The following FOXO3 variants were observed in gnomAD, a reference collection of about 807,000 sequenced individuals.
FOXO3 encodes the protein forkhead box O3, also known as forkhead box protein O3.
A neutral mutation model predicts 41.9 loss-of-function variants in FOXO3; 4 were observed. The observed-to-expected ratio is 0.10, with a 90% confidence interval of 0.05 to 0.22. The LOEUF (loss-of-function observed/expected upper bound fraction) is 0.22, where lower values mean the gene tolerates loss of function less well. Among genes scored for constraint, FOXO3 ranks in the 10% least tolerant of loss-of-function variants. The pLI is 1.00. For synonymous variants in FOXO3, 318 were observed against 389.3 expected, an observed-to-expected ratio of 0.82 and a Z score of 2.16; for missense variants, 534 against 906.8, an observed-to-expected ratio of 0.59 and a Z score of 5.28.
intron 1 of FOXO3, among the ~76,000 whole-genome samples, chr6:108,659,992 G>A (rs1429494946): frequency 6.6e-6 from 1 of 152,130 alleles, no homozygotes; most frequent in Non-Finnish European, 1.5e-5. Flanking sequence ...TTTTAAGGGG[G>A]TATAGCTGAA....
intron 1 of FOXO3, among the ~76,000 whole-genome samples, 200 bp from the exon 2 acceptor site, chr6:108,663,255 C>T (rs974262296): frequency 6.6e-6 from 1 of 152,124 alleles, no homozygotes; most frequent in African/African-American, 2.4e-5. Flanking sequence ...GCCTGTAGTC[C>T]CAGTTACAGG....
rs541668302 is a variant in FOXO3, at chr6:108,663,721, G to A, written c.888G>A (p.Thr296=). Residue 296 remains threonine, a synonymous_variant, in exon 2 of 3, where the codon ACG becomes ACA. Transcript: ENST00000406360. The part of the protein sequence containing the change: ...SQLSKWPGSP[T]SRSSDELDAW... ...TCTCCAAGTGGCCTGGCAGCCCCAC[G>A]TCACGCAGCAGTGATGAGCTGGATG... 3.5e-5 allele frequency: 56 copies of A among 1,613,622 alleles called. No individual in the cohort carries two copies. The highest frequency in any genetic ancestry group is 4.5e-5 in the Non-Finnish European group (53 of 1,179,670).
chr6:108,613,140 C>A (rs1239518526), intron 1 of FOXO3, among the ~76,000 whole-genome samples: 1 of 152,202 alleles, frequency 6.6e-6, no homozygotes, highest in Non-Finnish European at 1.5e-5. Flanking sequence ...CCATGAGATT[C>A]AAGTAGCTAA....
chr6:108,561,167 G>T lies in FOXO3; in HGVS notation c.-42G>T, dbSNP rs2128354100. 1.3e-6 allele frequency: 2 copies of T among 1,513,074 alleles called. 1 individual carries two copies. Among genetic ancestry groups the T allele is most frequent in the Middle Eastern group, 4.7e-4 (2 of 4,262 alleles). 93.7% of individuals were successfully genotyped at this position (1,513,074 alleles called of 1,614,324 possible). A position where few individuals can be genotyped will look rare whatever the true frequency, so the allele number is the denominator to read the frequency against. ...GCTGCACCCCGCCCCGGCGCGAGAGGAGAGCGCGAGAGCCCCAGCCGCGGG... is the reference window on the plus strand; with the variant it reads ...GCTGCACCCCGCCCCGGCGCGAGAGTAGAGCGCGAGAGCCCCAGCCGCGGG... On this transcript the variant is annotated 5_prime_UTR_variant, in exon 1 of 3. Transcript: ENST00000406360.
intron 2 of FOXO3, among the ~76,000 whole-genome samples, chr6:108,676,347 G>A (rs180802742): frequency 3.9e-5 from 6 of 152,260 alleles, no homozygotes; most frequent in Admixed American, 3.9e-4. Flanking sequence ...TTAATCTGAT[G>A]TGTTTTCTTA....
At chr6:108,650,894 C>T (rs1005060235) in intron 1 of FOXO3, among the ~76,000 whole-genome samples, 4 of 151,998 alleles carry the variant, frequency 2.6e-5, no homozygotes, top group African/African-American at 4.8e-5. Context: ...CCAGGAGTGT[C>T]GTGGAATAAA....
chr6:108,561,139 C>A lies in FOXO3; in HGVS notation c.-70C>A. 6.8e-7 allele frequency: 1 copy of A among 1,477,922 alleles called. No homozygotes were observed. Among genetic ancestry groups the A allele is most frequent in the Non-Finnish European group, 8.9e-7 (1 of 1,120,914 alleles). 91.6% of individuals were successfully genotyped at this position (1,477,922 alleles called of 1,614,324 possible). ...GCCTTCGCGGCGTCCACGTCCCTCC[C>A]CCGCTGCACCCCGCCCCGGCGCGAG... On this transcript the variant is annotated 5_prime_UTR_variant, in exon 1 of 3. Transcript: ENST00000406360.
chr6:108,568,417 TCAGCA>T (rs1776004623), intron 1 of FOXO3, among the ~76,000 whole-genome samples: 1 of 151,222 alleles, frequency 6.6e-6, no homozygotes, highest in African/African-American at 2.4e-5. Context: ...GTGTTCTCCA[TCAGCA>T]CTCTCTACTT....
Position 108,678,095 on chromosome 6 carries a change from A to G in FOXO3, c.*35-1732A>G, listed in dbSNP as rs373268383. Among the ~76,000 whole-genome samples the G allele has an allele frequency of 7.2e-5, 11 of 152,340 alleles. No homozygotes were observed. In the South Asian group the frequency reaches 2.1e-3, roughly 29 times the overall value. ...AAGTAAATATGACCATGGGCATGTA[A>G]CATTGTAAATACTAAGTCCTGCTGT... is the stretch of plus-strand genomic sequence containing the variant. On this transcript the variant is annotated intron_variant, in intron 2 of 2. Transcript: ENST00000406360.
At chr6:108,566,423 G>A (rs1775948502) in intron 1 of FOXO3, among the ~76,000 whole-genome samples, 1 of 152,122 alleles carries the variant, frequency 6.6e-6, no homozygotes, top group Admixed American at 6.5e-5. Flanking sequence ...TTAATGAAGA[G>A]GCCTTGTCTC....
intron 1 of FOXO3, among the ~76,000 whole-genome samples, chr6:108,635,481 C>T (rs547068797): frequency 3.9e-5 from 6 of 152,110 alleles, no homozygotes; most frequent in Non-Finnish European, 5.9e-5. Flanking sequence ...TTGCTAAAGT[C>T]GAGCAGTGGG....
chr6:108,575,227 C>T (rs1333775100), intron 1 of FOXO3, among the ~76,000 whole-genome samples: 1 of 152,082 alleles, frequency 6.6e-6, no homozygotes, highest in East Asian at 1.9e-4. Context: ...GTGTCCTAAT[C>T]ATTGATTTTT....
intron 1 of FOXO3, among the ~76,000 whole-genome samples, chr6:108,586,228 C>T (rs1250373650): frequency 6.6e-6 from 1 of 152,196 alleles, no homozygotes; most frequent in Non-Finnish European, 1.5e-5. Flanking sequence ...TGACACATTT[C>T]ACTCTTGAGT....
intron 1 of FOXO3, among the ~76,000 whole-genome samples, chr6:108,609,533 G>A (rs1411346937): frequency 6.6e-6 from 1 of 152,302 alleles, no homozygotes; most frequent in African/African-American, 2.4e-5. Flanking sequence ...CTTTCCAGGT[G>A]GTGATGAAAA....
At chr6:108,661,518 C>T (rs1778863552) in intron 1 of FOXO3, among the ~76,000 whole-genome samples, 1 of 152,060 alleles carries the variant, frequency 6.6e-6, no homozygotes, top group Admixed American at 6.5e-5. Context: ...TTAGAATGAG[C>T]CTGCTGCAGG....
chr6:108,574,976 C>T (rs994654706), intron 1 of FOXO3, among the ~76,000 whole-genome samples: 1 of 152,140 alleles, frequency 6.6e-6, no homozygotes, highest in Non-Finnish European at 1.5e-5. Flanking sequence ...AGTATAACAG[C>T]ATGCAGGGGA....
intron 1 of FOXO3, among the ~76,000 whole-genome samples, chr6:108,578,050 A>G (rs1776309400): frequency 1.3e-5 from 2 of 152,230 alleles, no homozygotes; most frequent in African/African-American, 4.8e-5. Context: ...ACTGAGAGAT[A>G]TAAACTTACT....
intron 2 of FOXO3, among the ~76,000 whole-genome samples, chr6:108,665,293 C>T (rs1779016335): frequency 6.6e-6 from 1 of 152,170 alleles, no homozygotes; most frequent in South Asian, 2.1e-4. Flanking sequence ...AGCCAAAGGG[C>T]TTTCCTAGAA....
At chr6:108,634,036 T>C (rs1255466894) in intron 1 of FOXO3, among the ~76,000 whole-genome samples, 3 of 152,164 alleles carry the variant, frequency 2.0e-5, no homozygotes, top group Non-Finnish European at 2.9e-5. Context: ...TTGTGAGTTA[T>C]TATATGGGCC....
Sources: allele counts gnomAD v4.1 joint callset (sites outside exome capture counted in the v4.1 genomes callset), GRCh38; gene constraint gnomAD v4.1.1; transcripts MANE v1.5; gene names NCBI Gene and HGNC (gene_info 2026-07-23, HGNC 2026-07-21).